The following KIF13B variants were observed in gnomAD, a reference collection of about 807,000 sequenced individuals.
KIF13B encodes the protein kinesin-like protein KIF13B.
A neutral mutation model predicts 222.0 loss-of-function variants in KIF13B; 127 were observed. The observed-to-expected ratio is 0.57, with a 90% confidence interval of 0.50 to 0.66. KIF13B has a LOEUF of 0.66. KIF13B is among the 30% of genes least tolerant of loss of function. The probability of loss-of-function intolerance (pLI) is 0.00; values close to 1 mark genes in which losing one functional copy is unlikely to be tolerated. For missense variants in KIF13B, 2,173 were observed against 2,379.0 expected, an observed-to-expected ratio of 0.91 and a Z score of 1.80; for synonymous variants, 976 against 919.0, an observed-to-expected ratio of 1.06 and a Z score of -1.12.
At position 29,075,705 on chromosome 8, in the gene KIF13B, C is replaced by T. The variant is rs1807526816; in HGVS notation, c.4459-362G>A. On this transcript the variant is annotated intron_variant, in intron 37 of 39. Coordinates refer to ENST00000524189, the MANE Select transcript of KIF13B (RefSeq NM_015254.4). ...CTTCCGGCAGGAGGTGAAAGCCATG[C>T]CAGGCTCTGATGGCTGGGGAGAGGA... Among the ~76,000 whole-genome samples the T allele has an allele frequency of 2.6e-5, 4 of 152,178 alleles. No individual in the cohort carries two copies. The South Asian group carries it at 8.3e-4, about 31-fold the overall frequency.
At chr8:29,195,909 C>T (rs1171325374) in intron 3 of KIF13B, among the ~76,000 whole-genome samples, 1 of 152,200 alleles carries the variant, frequency 6.6e-6, no homozygotes, top group African/African-American at 2.4e-5. Flanking sequence ...CAGTTTGGAA[C>T]TACCAGTCTT....
At chr8:29,107,861 G>T (rs531156501) in intron 35 of KIF13B, among the ~76,000 whole-genome samples, 39 of 152,234 alleles carry the variant, frequency 2.6e-4, no homozygotes, top group African/African-American at 9.1e-4. Context: ...CGCCCAGCCT[G>T]AAGTTTCTTT....
chr8:29,102,693 G>T (rs961220451), intron 35 of KIF13B, among the ~76,000 whole-genome samples: 3 of 152,190 alleles, frequency 2.0e-5, no homozygotes, highest in Non-Finnish European at 4.4e-5. Context: ...GACATTTCGG[G>T]TCCAATGGCA....
At chr8:29,220,442 T>C (rs1814690209) in intron 2 of KIF13B, among the ~76,000 whole-genome samples, 1 of 152,120 alleles carries the variant, frequency 6.6e-6, no homozygotes, top group South Asian at 2.1e-4. Context: ...TTATATAAAA[T>C]AACTGTTGTT....
At chr8:29,258,695 C>T (rs539340537) in intron 1 of KIF13B, among the ~76,000 whole-genome samples, 3 of 152,302 alleles carry the variant, frequency 2.0e-5, no homozygotes, top group Non-Finnish European at 2.9e-5. Flanking sequence ...TCCCCTCTCC[C>T]GTGCTCACAT....
rs113369658 is a variant in KIF13B at position 29,095,298 on chromosome 8, G to A, written c.4325-2420C>T. 8.2e-4 allele frequency among the ~76,000 whole-genome samples: 125 copies of A among 152,346 alleles called. 1 individual carries two copies. Among genetic ancestry groups the A allele is most frequent in the African/African-American group, 2.8e-3 (117 of 41,582 alleles). On this transcript the variant is annotated intron_variant, in intron 36 of 39. Coordinates refer to ENST00000524189, the MANE Select transcript of KIF13B (RefSeq NM_015254.4). ...GTGACAAATGATGGCTGAATTCTCA[G>A]CAGAAAAGAAGGAGCTGGAGATGAG...
At chr8:29,102,455 A>T (rs1156428312) in intron 35 of KIF13B, among the ~76,000 whole-genome samples, 1 of 152,184 alleles carries the variant, frequency 6.6e-6, no homozygotes, top group East Asian at 1.9e-4. Flanking sequence ...AAGAGATAAA[A>T]TCCTAGTCGA....
Position 29,118,891 on chromosome 8 carries a change from T to C in KIF13B, c.3637A>G (p.Ile1213Val), listed in dbSNP as rs746142189. ...ACCTCCCCATCATGCTGCTTCACAA[T>C]CTGCAATTCAAAGAACTCCTCTTCT... ...EEEEEFFELQ[I>V]VKQHDGEVKA... Residue 1213 changes from isoleucine (I) to valine (V), a missense_variant, in exon 30 of 40, where the codon ATT (isoleucine) becomes GTT (valine). By Grantham distance (29) the Ile-to-Val change is conservative. Around this residue, in one of 2 missense-constraint regions of KIF13B, gnomAD observed 1,480 missense variants for 1,722.8 expected, o/e 0.86. Coordinates refer to ENST00000524189, the MANE Select transcript of KIF13B (RefSeq NM_015254.4). The C allele has an allele frequency of 1.9e-6, 3 of 1,613,928 alleles. No homozygotes were observed. The highest frequency in any genetic ancestry group is 2.2e-5 in the South Asian group (2 of 91,082).
chr8:29,091,029 A>C (rs544354856), intron 37 of KIF13B, among the ~76,000 whole-genome samples: 1 of 152,308 alleles, frequency 6.6e-6, no homozygotes, highest in South Asian at 2.1e-4. Flanking sequence ...TATATTTTAT[A>C]TTTTTATGAA....
At chr8:29,140,927 CA>C in intron 19 of KIF13B, among the ~76,000 whole-genome samples, 1 of 152,260 alleles carries the variant, frequency 6.6e-6, no homozygotes, top group East Asian at 1.9e-4. Context: ...ACAAAATAAA[CA>C]ATATATGTTG....
At chr8:29,181,853 C>A in intron 7 of KIF13B, 66 bp downstream of exon 7, 2 of 1,054,960 alleles carry the variant, frequency 1.9e-6, no homozygotes, top group Non-Finnish European at 2.8e-6. Context: ...CAAATTAAGC[C>A]AAGAAAAAAA....
chr8:29,226,153 T>C (rs1370053823), intron 2 of KIF13B, among the ~76,000 whole-genome samples: 1 of 152,126 alleles, frequency 6.6e-6, no homozygotes, highest in East Asian at 1.9e-4. Context: ...ACCTGAGTAA[T>C]TCCCAACTTC....
chr8:29,083,798 A>G (rs921090802), intron 37 of KIF13B, among the ~76,000 whole-genome samples: 4 of 152,174 alleles, frequency 2.6e-5, no homozygotes, highest in Admixed American at 6.5e-5. Context: ...CACTATATCT[A>G]TAGCTGTTTA....
chr8:29,165,937 A>G (rs1811981020), intron 11 of KIF13B, among the ~76,000 whole-genome samples, 165 bp from the exon 12 acceptor site: 1 of 3,078 alleles, frequency 3.2e-4, no homozygotes, highest in African/African-American at 1.1e-3. Flanking sequence ...CGATTGTCTG[A>G]GGACCACAAA....
chr8:29,126,954 C>T (rs1810138694), intron 25 of KIF13B, among the ~76,000 whole-genome samples, 168 bp downstream of exon 25: 1 of 152,088 alleles, frequency 6.6e-6, no homozygotes, highest in Admixed American at 6.6e-5. Flanking sequence ...GTAATACAGT[C>T]CGATGCAGTG....
intron 1 of KIF13B, among the ~76,000 whole-genome samples, chr8:29,246,010 G>A (rs942729131): frequency 1.3e-5 from 2 of 152,104 alleles, no homozygotes; most frequent in African/African-American, 2.4e-5. Flanking sequence ...CCGAAACACC[G>A]TTGAAAGAAA....
chr8:29,240,757 C>T (rs1241489119), intron 2 of KIF13B, among the ~76,000 whole-genome samples: 1 of 152,164 alleles, frequency 6.6e-6, no homozygotes, highest in African/African-American at 2.4e-5. Flanking sequence ...AATCTGAATG[C>T]CTTGAGGCAG....
chr8:29,090,703 ATT>A (rs1808259366), intron 37 of KIF13B, among the ~76,000 whole-genome samples: 1 of 151,922 alleles, frequency 6.6e-6, no homozygotes, highest in African/African-American at 2.4e-5. Flanking sequence ...TACTTTATGT[ATT>A]TTTATTTTTA....
intron 7 of KIF13B, among the ~76,000 whole-genome samples, chr8:29,180,651 C>T (rs1019231718): frequency 1.3e-5 from 2 of 152,136 alleles, no homozygotes; most frequent in Non-Finnish European, 2.9e-5. Context: ...TGCCATTTGT[C>T]GCTTCATACA....
Sources: allele counts gnomAD v4.1 joint callset (sites outside exome capture counted in the v4.1 genomes callset), GRCh38; gene constraint gnomAD v4.1.1; regional missense constraint gnomAD v4.1.1; transcripts MANE v1.5; gene names NCBI Gene and HGNC (gene_info 2026-07-23, HGNC 2026-07-21).